The following GABPB1 variants were observed in gnomAD, a reference collection of about 807,000 sequenced individuals.
GABPB1 encodes the protein GA binding protein transcription factor subunit beta 1, also known as GA-binding protein subunit beta-1.
Under a neutral mutation model 45.9 loss-of-function variants are expected in GABPB1, and 15 were observed. That is an observed-to-expected ratio of 0.33 (90% CI 0.22 to 0.50). GABPB1 has a LOEUF of 0.50. Ranked by LOEUF, GABPB1 falls within the 20% of genes least tolerant of loss-of-function variation. The pLI is 0.98. For missense variants in GABPB1, 252 were observed against 457.5 expected, an observed-to-expected ratio of 0.55 and a Z score of 4.10; for synonymous variants, 143 against 154.4, an observed-to-expected ratio of 0.93 and a Z score of 0.55.
rs2046279168 is a variant in GABPB1, at chr15:50,289,554, C to T, written c.812G>A (p.Gly271Glu). ...ACTGGTTGGAATAGAGTGCAAATTT[C>T]CAAGCTGAATTCCATCTGTAACTAT... Reference protein sequence around the residue: ...ITIVTDGIQLGNLHSIPTSGI... With the variant: ...ITIVTDGIQLENLHSIPTSGI... The change falls in exon 7 of 9, where the codon GGA becomes GAA. Residue 271 changes from glycine to glutamate, a missense_variant. By Grantham distance (98) the Gly-to-Glu change is moderately conservative (BLOSUM62 -2). Transcript: ENST00000380877. 1 of 1,613,518 alleles carries T rather than the reference C, an allele frequency of 6.2e-7. No homozygotes were observed.
chr15:50,292,922 G>A (rs1037820385), intron 6 of GABPB1, among the ~76,000 whole-genome samples: 4 of 151,728 alleles, frequency 2.6e-5, no homozygotes, highest in Admixed American at 1.3e-4. Flanking sequence ...GTTAACAGCT[G>A]GTGAATACAG....
rs1363908199 is a variant in GABPB1 at position 50,300,429 on chromosome 15, G to GTTTTT, written c.697+355_697+359dup. 4.0e-4 allele frequency among the ~76,000 whole-genome samples: 29 copies of GTTTTT among 72,172 alleles called. 2 individuals are homozygous for GTTTTT. Among genetic ancestry groups the GTTTTT allele is most frequent in the Non-Finnish European group, 6.6e-4 (25 of 37,616 alleles). 47.3% of individuals were successfully genotyped at this position (72,172 alleles called of 152,430 possible). A position where few individuals can be genotyped will look rare whatever the true frequency, so the allele number is the denominator to read the frequency against. The stretch of plus-strand genomic sequence containing the variant: ...TTTGTAAATATTTGAATCTGCAACT[G>GTTTTT]TTTTTGGTTTTTTTTTTTTTTTTTT... On this transcript the variant is annotated intron_variant, in intron 6 of 8. Transcript: ENST00000380877.
intron 1 of GABPB1, among the ~76,000 whole-genome samples, chr15:50,334,193 T>C (rs572055291): frequency 4.6e-5 from 7 of 152,316 alleles, no homozygotes; most frequent in Admixed American, 1.3e-4. Context: ...TTAGGATTCA[T>C]TGAAATTCTT....
chr15:50,303,238 T>C (rs566886117), intron 3 of GABPB1, 115 bp from the exon 4 acceptor site: 1 of 802,250 alleles, frequency 1.2e-6, no homozygotes, highest in South Asian at 1.8e-5. Context: ...AGTCAATTAT[T>C]TATATGTATA....
chr15:50,319,261 T>C (rs762170707), intron 1 of GABPB1, among the ~76,000 whole-genome samples: 2 of 150,868 alleles, frequency 1.3e-5, no homozygotes, highest in Non-Finnish European at 2.9e-5. Flanking sequence ...TGTGCACATA[T>C]AATTTTTTCT....
intron 1 of GABPB1, among the ~76,000 whole-genome samples, chr15:50,330,124 A>C (rs1178306209): frequency 1.3e-5 from 2 of 151,708 alleles, no homozygotes; most frequent in African/African-American, 4.8e-5. Flanking sequence ...GGCTGGTCTC[A>C]AACTCCGGGG....
intron 8 of GABPB1, among the ~76,000 whole-genome samples, chr15:50,279,845 T>G (rs1001371794): frequency 3.3e-5 from 5 of 152,164 alleles, no homozygotes; most frequent in Admixed American, 2.0e-4. Context: ...GAACTAAAGG[T>G]AAGTGGTTGG....
At chr15:50,318,553 G>A (rs1165279701) in intron 1 of GABPB1, among the ~76,000 whole-genome samples, 1 of 151,998 alleles carries the variant, frequency 6.6e-6, no homozygotes, top group Non-Finnish European at 1.5e-5. Context: ...GAATAATCAA[G>A]GGCTTCAGGA....
chr15:50,284,616 G>C (rs889555956), intron 8 of GABPB1, among the ~76,000 whole-genome samples: 11 of 152,048 alleles, frequency 7.2e-5, no homozygotes, highest in Admixed American at 7.2e-4. Flanking sequence ...TGGTCATTAG[G>C]TAAATAAAGG....
chr15:50,324,513 C>A (rs2047680851), intron 1 of GABPB1, among the ~76,000 whole-genome samples: 1 of 151,306 alleles, frequency 6.6e-6, no homozygotes, highest in Non-Finnish European at 1.5e-5. Context: ...TGATCCAATG[C>A]CCTGAATGCT....
intron 1 of GABPB1, 172 bp downstream of exon 1, chr15:50,354,813 C>G (rs919040373): frequency 1.8e-5 from 4 of 227,300 alleles, no homozygotes; most frequent in African/African-American, 9.6e-5. Flanking sequence ...ACCCCGCCGA[C>G]CCCCGCGGAA....
chr15:50,337,056 A>C (rs1445922305), intron 1 of GABPB1, among the ~76,000 whole-genome samples: 1 of 131,786 alleles, frequency 7.6e-6, no homozygotes, highest in Non-Finnish European at 1.6e-5. Context: ...AAAAGAAAAA[A>C]TTACATGTAT....
chr15:50,317,908 C>CA (rs11300579), intron 1 of GABPB1, among the ~76,000 whole-genome samples: 4,315 of 132,458 alleles, frequency 0.033, 113 homozygotes, highest in African/African-American at 0.08. Context: ...GACTCCGTAT[C>CA]AAAAAAAAAA....
rs372791256 is a variant in GABPB1, at chr15:50,333,587, G to A, written c.-1+21398C>T. 5.9e-5 allele frequency among the ~76,000 whole-genome samples: 9 copies of A among 152,188 alleles called. No individual in the cohort carries two copies. In the East Asian group the frequency reaches 1.4e-3, roughly 23 times the overall value. ...ATGATCTTTCATAGGTGAGATGTTC[G>A]TGACAAGTTGTTTTTATCTGAAAAT... On this transcript the variant is annotated intron_variant, in intron 1 of 8. Transcript: ENST00000380877.
At chr15:50,337,075 GTATATATATATATATA>G (rs869106382) in intron 1 of GABPB1, among the ~76,000 whole-genome samples, 14 of 14,208 alleles carry the variant, frequency 9.9e-4, no homozygotes, top group Non-Finnish European at 1.2e-3. Context: ...ATATGTGTGT[GTATATATATATATATA>G]TATATATATA....
chr15:50,330,523 T>G (rs2047912099), intron 1 of GABPB1, among the ~76,000 whole-genome samples: 1 of 152,112 alleles, frequency 6.6e-6, no homozygotes, highest in African/African-American at 2.4e-5. Flanking sequence ...TAAACAATTC[T>G]CCTTCCTCAT....
chr15:50,324,825 G>T (rs1055925970), intron 1 of GABPB1, among the ~76,000 whole-genome samples: 3 of 152,104 alleles, frequency 2.0e-5, no homozygotes, highest in African/African-American at 7.2e-5. Context: ...AGGATTACAG[G>T]TGTGAGCCAC....
At position 50,276,676 on chromosome 15, in the gene GABPB1, T is replaced by C. The variant is rs1464660829; in HGVS notation, c.*1956A>G. 1 of 152,244 alleles carries C rather than the reference T, an allele frequency of 6.6e-6. No homozygotes were observed. Among genetic ancestry groups the C allele is most frequent in the Admixed American group, 6.5e-5 (1 of 15,282 alleles). 9.4% of individuals were successfully genotyped at this position (152,244 alleles called of 1,614,324 possible). A position where few individuals can be genotyped will look rare whatever the true frequency, so the allele number is the denominator to read the frequency against. On this transcript the variant is annotated 3_prime_UTR_variant, in exon 9 of 9. Coordinates refer to ENST00000380877, the MANE Select transcript of GABPB1 (RefSeq NM_016654.5). ...TTGTTCCCAACACTGTCTTGAGTCT[T>C]TTCAGGGCCAGCCTGGTCTGAAAGC...
At chr15:50,322,804 A>G (rs1595803234) in intron 1 of GABPB1, among the ~76,000 whole-genome samples, 1 of 152,016 alleles carries the variant, frequency 6.6e-6, no homozygotes, top group African/African-American at 2.4e-5. Context: ...AGGCGGGTGG[A>G]TTGCTTGAGA....
Sources: gnomAD v4.1 joint callset for allele counts (sites outside exome capture counted in the v4.1 genomes callset) on GRCh38, gnomAD v4.1.1 for gene constraint, MANE v1.5 for transcripts, NCBI Gene and HGNC (gene_info 2026-07-23, HGNC 2026-07-21) for gene names.